The following C12orf42 variants were observed in gnomAD, a reference collection of about 807,000 sequenced individuals.
C12orf42 encodes chromosome 12 open reading frame 42, also known as uncharacterized protein C12orf42.
A neutral mutation model predicts 21.6 loss-of-function variants in C12orf42; 25 were observed. That is an observed-to-expected ratio of 1.16 (90% CI 0.84 to 1.62). C12orf42 has a LOEUF of 1.62. Ranked by LOEUF, C12orf42 falls within the 40% of genes most tolerant of loss-of-function variation. C12orf42 has a pLI of 0.00. For missense variants in C12orf42, 483 were observed against 459.3 expected (o/e 1.05, Z -0.47); for synonymous variants, 174 against 175.0 (o/e 0.99, Z 0.05).
In C12orf42 at chr12:103,354,743, A is replaced by T. The variant is rs187073422; in HGVS notation, c.259+14144T>A. 3.3e-3 allele frequency among the ~76,000 whole-genome samples: 503 copies of T among 152,232 alleles called. 3 individuals carry two copies. Among genetic ancestry groups the T allele is most frequent in the African/African-American group, 0.011 (477 of 41,550 alleles). On this transcript the variant is annotated intron_variant, in intron 4 of 5. Transcript: ENST00000548883. ...AATATTGTTTTGTTTTGTTTTGTAG[A>T]GATGGTGTCTCACTATATTGCCTAG...
the C12orf42 span, among the ~76,000 whole-genome samples, chr12:103,199,684 G>A: frequency 6.6e-6 from 1 of 152,108 alleles, no homozygotes; most frequent in Non-Finnish European, 1.5e-5. Flanking sequence ...CTCTGAAGAA[G>A]ACACACAATT....
At chr12:103,198,871 G>T in the C12orf42 span, among the ~76,000 whole-genome samples, 1 of 152,152 alleles carries the variant, frequency 6.6e-6, no homozygotes, top group African/African-American at 2.4e-5. Flanking sequence ...CTCAGAATGT[G>T]CCAGTCTTCT....
At chr12:103,157,851 T>C in the C12orf42 span, among the ~76,000 whole-genome samples, 1 of 152,174 alleles carries the variant, frequency 6.6e-6, no homozygotes, top group African/African-American at 2.4e-5. Flanking sequence ...TTTAGAAGTA[T>C]TTTGTTCAAG....
the C12orf42 span, among the ~76,000 whole-genome samples, chr12:103,083,343 G>A: frequency 1.3e-5 from 2 of 152,054 alleles, no homozygotes; most frequent in African/African-American, 4.8e-5. Flanking sequence ...CAGCCTGGGC[G>A]ACAGAGTAAG....
intron 2 of C12orf42, among the ~76,000 whole-genome samples, chr12:103,429,044 TC>T (rs1950066425): frequency 6.6e-6 from 1 of 152,192 alleles, no homozygotes; most frequent in Admixed American, 6.5e-5. Context: ...AAGCATTCCC[TC>T]TGAAAACTGG....
the C12orf42 span, among the ~76,000 whole-genome samples, chr12:103,077,632 G>C: frequency 6.6e-6 from 1 of 152,184 alleles, no homozygotes; most frequent in African/African-American, 2.4e-5. Flanking sequence ...TGAGCCTCTT[G>C]GAGACAAGGC....
At chr12:103,440,425 A>G (rs1221255244) in intron 2 of C12orf42, among the ~76,000 whole-genome samples, 1 of 146,462 alleles carries the variant, frequency 6.8e-6, no homozygotes, top group Non-Finnish European at 1.5e-5. Flanking sequence ...ATAAAATAAA[A>G]TAAAATAAAT....
At chr12:103,384,591 C>T (rs1177469651) in intron 3 of C12orf42, among the ~76,000 whole-genome samples, 2 of 152,136 alleles carry the variant, frequency 1.3e-5, no homozygotes, top group Non-Finnish European at 2.9e-5. Flanking sequence ...TGACTGAGGG[C>T]TAACCATTCA....
intron 4 of C12orf42, among the ~76,000 whole-genome samples, chr12:103,314,152 T>G (rs774093839): frequency 2.0e-4 from 30 of 151,780 alleles, no homozygotes; most frequent in African/African-American, 7.0e-4. Flanking sequence ...TTTTCAGAAC[T>G]GAGAGCAGCC....
chr12:103,152,702 C>A, the C12orf42 span, among the ~76,000 whole-genome samples: 1 of 151,860 alleles, frequency 6.6e-6, no homozygotes, highest in Non-Finnish European at 1.5e-5. Context: ...ATATAGTAAT[C>A]ATATTTTGTG....
Position 103,244,644 on chromosome 12 carries a change from C to G in C12orf42, c.*1367-6742G>C, listed in dbSNP as rs151183084. Among the ~76,000 whole-genome samples, 4 of 151,968 alleles carry G rather than the reference C, an allele frequency of 2.6e-5. No individual in the cohort carries two copies. In the East Asian group the frequency reaches 7.7e-4, roughly 29 times the overall value. ...ACAATGTTGCTATGAACATACATAA[C>G]TATACTATAAATAACCACATATAGA... is the stretch of plus-strand genomic sequence containing the variant. On this transcript the variant is annotated intron_variant and NMD_transcript_variant, in intron 10 of 10. Transcript: ENST00000547347.
chr12:103,497,993 C>G (rs1468553368), upstream of C12orf42, among the ~76,000 whole-genome samples: 2 of 151,872 alleles, frequency 1.3e-5, no homozygotes, highest in East Asian at 3.9e-4. Context: ...AGAGACAGCG[C>G]CACTTCACTC....
chr12:103,095,098 T>C, the C12orf42 span, among the ~76,000 whole-genome samples: 1 of 152,178 alleles, frequency 6.6e-6, no homozygotes, highest in Admixed American at 6.6e-5. Flanking sequence ...TGCTACTCTG[T>C]TTTAAGCTGC....
At chr12:103,164,562 G>T in the C12orf42 span, 1 of 427,556 alleles carries the variant, frequency 2.3e-6, no homozygotes. Flanking sequence ...GGGGGTGGGT[G>T]CCAGTATAAA....
the C12orf42 span, among the ~76,000 whole-genome samples, chr12:103,224,237 T>C: frequency 6.6e-6 from 1 of 152,268 alleles, no homozygotes; most frequent in African/African-American, 2.4e-5. Context: ...GCTTGATGTG[T>C]AGGGAAGGGA....
At chr12:103,188,723 A>G in the C12orf42 span, among the ~76,000 whole-genome samples, 1 of 152,198 alleles carries the variant, frequency 6.6e-6, no homozygotes, top group Non-Finnish European at 1.5e-5. Flanking sequence ...CTCTTGTCAT[A>G]TGATACTCTG....
At chr12:103,431,082 T>G (rs1203506760) in intron 2 of C12orf42, 4 of 114,214 alleles carry the variant, frequency 3.5e-5, no homozygotes, top group African/African-American at 1.3e-4. Flanking sequence ...CTGCATGTTC[T>G]GCACACAAAG....
the C12orf42 span, among the ~76,000 whole-genome samples, chr12:103,137,038 A>C: frequency 6.6e-6 from 1 of 152,244 alleles, no homozygotes; most frequent in Non-Finnish European, 1.5e-5. Context: ...GCTATATTAA[A>C]CTAAAAAGCT....
chr12:103,522,939 T>C, the C12orf42 span, among the ~76,000 whole-genome samples: 1 of 152,146 alleles, frequency 6.6e-6, no homozygotes, highest in South Asian at 2.1e-4. Context: ...ACAAGTCCCA[T>C]TGTTACAGGA....
Sources: allele counts gnomAD v4.1 joint callset (sites outside exome capture counted in the v4.1 genomes callset), GRCh38; gene constraint gnomAD v4.1.1; transcripts MANE v1.5; gene names NCBI Gene and HGNC (gene_info 2026-07-23, HGNC 2026-07-21).